COL25A1: variants seen among roughly 807,000 people sequenced by gnomAD.
COL25A1 encodes the protein collagen type XXV alpha 1 chain.
Under a neutral mutation model 128.4 loss-of-function variants are expected in COL25A1, and 103 were observed. That is an observed-to-expected ratio of 0.80 (90% CI 0.68 to 0.94). The LOEUF (loss-of-function observed/expected upper bound fraction) is 0.94, where lower values mean the gene tolerates loss of function less well. Ranked by LOEUF, COL25A1 falls within the 40% of genes least tolerant of loss-of-function variation. COL25A1 has a pLI of 0.00. For missense variants in COL25A1, 745 were observed against 840.0 expected, an observed-to-expected ratio of 0.89 and a Z score of 1.40; for synonymous variants, 279 against 277.2, an observed-to-expected ratio of 1.01 and a Z score of -0.06.
intron 3 of COL25A1, among the ~76,000 whole-genome samples, chr4:109,282,553 C>T (rs1723473816): frequency 6.6e-6 from 1 of 152,180 alleles, no homozygotes; most frequent in Admixed American, 6.5e-5. Flanking sequence ...GAGAAGTTGT[C>T]ATTTAACTAT....
chr4:108,836,649 A>C (rs2125740368), intron 31 of COL25A1, among the ~76,000 whole-genome samples: 1 of 152,214 alleles, frequency 6.6e-6, no homozygotes, highest in Non-Finnish European at 1.5e-5. Flanking sequence ...TCAAACAAAG[A>C]AAAAAGAAAA....
Position 108,965,825 on chromosome 4 carries a change from T to C in COL25A1, c.492+8542A>G, listed in dbSNP as rs570593689. ...ACTGATAAAGAAATGAAGTTCATTT[T>C]TTTGCAAAGAGGGACTTAGAATAAA... On this transcript the variant is annotated intron_variant, in intron 8 of 37. Transcript: ENST00000399132. Among the ~76,000 whole-genome samples, 11 of 152,306 alleles carry C rather than the reference T, an allele frequency of 7.2e-5. No individual in the cohort carries two copies. In the East Asian group the frequency reaches 7.7e-4, roughly 11 times the overall value.
At chr4:109,113,273 T>C (rs1372096627) in intron 3 of COL25A1, among the ~76,000 whole-genome samples, 1 of 152,092 alleles carries the variant, frequency 6.6e-6, no homozygotes, top group African/African-American at 2.4e-5. Flanking sequence ...GGGAAGAGAT[T>C]TGTCACCAAT....
rs542494153 is a variant in COL25A1, at chr4:109,168,085, A to G, written c.368-117906T>C. 1.2e-4 allele frequency among the ~76,000 whole-genome samples: 18 copies of G among 152,278 alleles called. No individual in the cohort carries two copies. The East Asian group carries it at 3.1e-3, about 26-fold the overall frequency. On this transcript the variant is annotated intron_variant, in intron 3 of 37. Coordinates refer to ENST00000399132, the MANE Select transcript of COL25A1 (RefSeq NM_198721.4). ...GATGAACTAAGACTTGAGAATCCAA[A>G]TCTCTCACAATGGCTCATTGTTTCT...
chr4:109,184,512 A>G (rs1370066813), intron 3 of COL25A1, among the ~76,000 whole-genome samples: 2 of 152,178 alleles, frequency 1.3e-5, no homozygotes, highest in Admixed American at 6.5e-5. Flanking sequence ...CGGATACACA[A>G]TGGTACTTTC....
chr4:108,967,163 A>G (rs1453087715), intron 8 of COL25A1, among the ~76,000 whole-genome samples: 1 of 152,194 alleles, frequency 6.6e-6, no homozygotes, highest in Non-Finnish European at 1.5e-5. Context: ...ATTAAATGAG[A>G]ATAATAAAAG....
At chr4:108,910,065 T>C (rs1299529770) in intron 13 of COL25A1, among the ~76,000 whole-genome samples, 1 of 152,214 alleles carries the variant, frequency 6.6e-6, no homozygotes, top group Non-Finnish European at 1.5e-5. Flanking sequence ...GGAAATACCT[T>C]TATTTTTTCA....
intron 3 of COL25A1, among the ~76,000 whole-genome samples, chr4:109,225,532 A>G (rs769235856): frequency 3.2e-4 from 49 of 152,186 alleles, no homozygotes; most frequent in Non-Finnish European, 6.5e-4. Flanking sequence ...CTCTATGGAA[A>G]ACAGTATGGA....
intron 6 of COL25A1, among the ~76,000 whole-genome samples, chr4:108,989,402 C>G (rs13435613): frequency 0.8 from 120,847 of 151,944 alleles, 49,209 homozygotes; most frequent in East Asian, 1. Flanking sequence ...TAGGTTGCCA[C>G]GTAAGAAGTT....
At chr4:109,029,078 G>C (rs1758595097) in intron 5 of COL25A1, among the ~76,000 whole-genome samples, 1 of 152,162 alleles carries the variant, frequency 6.6e-6, no homozygotes, top group African/African-American at 2.4e-5. Context: ...AAAGGGAGTG[G>C]GAGCTATAAA....
In COL25A1 at chr4:108,835,861, C is replaced by CTT. The variant is rs1158184110; in HGVS notation, c.1657-3430_1657-3429dup. 5.5e-4 allele frequency among the ~76,000 whole-genome samples: 25 copies of CTT among 45,722 alleles called. 1 individual carries two copies. The highest frequency in any genetic ancestry group is 1.8e-3 in the Admixed American group (5 of 2,836). The allele number at this position is 45,722 out of a possible 152,430, so 30.0% of individuals were successfully genotyped here. ...GCCACAGTGCCCGGCTTACATACGT[C>CTT]TTTTTTTTTTTTTTTTTTTTTTTTT... is the stretch of plus-strand genomic sequence containing the variant. On this transcript the variant is annotated intron_variant, in intron 31 of 37. Coordinates refer to ENST00000399132, the MANE Select transcript of COL25A1 (RefSeq NM_198721.4).
chr4:109,216,890 CA>C (rs568642547), intron 3 of COL25A1, among the ~76,000 whole-genome samples: 80 of 152,206 alleles, frequency 5.3e-4, no homozygotes, highest in African/African-American at 1.9e-3. Context: ...TGTAGAAAGA[CA>C]AACTTTGCTT....
In COL25A1 at chr4:108,809,427, A is replaced by G. The variant is rs1444404535; in HGVS notation, c.*4500T>C. 3.3e-5 allele frequency: 5 copies of G among 152,124 alleles called. No homozygotes were observed. Among genetic ancestry groups the G allele is most frequent in the African/African-American group, 1.2e-4 (5 of 41,456 alleles). The allele number at this position is 152,124 out of a possible 1,614,324, so 9.4% of individuals were successfully genotyped here. ...ATGTAAGACATTCTTTTGTGAATCCAATTCGTTAATATTTCTGAGATAGGT... is the reference window on the plus strand; with the variant it reads ...ATGTAAGACATTCTTTTGTGAATCCGATTCGTTAATATTTCTGAGATAGGT... On this transcript the variant is annotated 3_prime_UTR_variant, in exon 38 of 38. Transcript: ENST00000399132.
chr4:109,262,264 A>G (rs1207532813), intron 3 of COL25A1, among the ~76,000 whole-genome samples: 1 of 152,070 alleles, frequency 6.6e-6, no homozygotes, highest in Admixed American at 6.5e-5. Context: ...CTGTAATCCC[A>G]GCACTTTGGG....
At chr4:109,027,017 G>C (rs1288095947) in intron 5 of COL25A1, among the ~76,000 whole-genome samples, 2 of 152,200 alleles carry the variant, frequency 1.3e-5, no homozygotes, top group Admixed American at 1.3e-4. Context: ...GATGTGAGAG[G>C]AATAAAATTG....
chr4:109,138,100 T>C (rs1285092201), intron 3 of COL25A1, among the ~76,000 whole-genome samples: 1 of 151,934 alleles, frequency 6.6e-6, no homozygotes, highest in Non-Finnish European at 1.5e-5. Flanking sequence ...ACCCGTCATC[T>C]ACATTAGGTA....
intron 3 of COL25A1, among the ~76,000 whole-genome samples, chr4:109,254,311 T>C (rs971009178): frequency 1.3e-5 from 2 of 150,574 alleles, no homozygotes; most frequent in African/African-American, 2.4e-5. Context: ...CTTATTACTA[T>C]TATTATTGTT....
intron 3 of COL25A1, among the ~76,000 whole-genome samples, chr4:109,201,168 C>T (rs1776526192): frequency 6.6e-6 from 1 of 152,138 alleles, no homozygotes; most frequent in Non-Finnish European, 1.5e-5. Context: ...TAACACAAGA[C>T]TGCTATGAAA....
intron 26 of COL25A1, among the ~76,000 whole-genome samples, chr4:108,850,027 T>C (rs980026153): frequency 6.6e-6 from 1 of 152,172 alleles, no homozygotes; most frequent in Non-Finnish European, 1.5e-5. Context: ...ACAAGTCTGC[T>C]GAGGTTGGAT....
Sources: gnomAD v4.1 joint callset for allele counts (sites outside exome capture counted in the v4.1 genomes callset) on GRCh38, gnomAD v4.1.1 for gene constraint, MANE v1.5 for transcripts, NCBI Gene and HGNC (gene_info 2026-07-23, HGNC 2026-07-21) for gene names.